Variants in HS3ST3A1 observed in about 807,000 individuals in gnomAD.
HS3ST3A1 encodes heparan sulfate glucosamine 3-O-sulfotransferase 3A1.
In HS3ST3A1, 19 loss-of-function variants were observed where a neutral mutation model predicts 25.7. The ratio of observed to expected loss-of-function variants is 0.74; its 90% confidence interval spans 0.52 to 1.08. The LOEUF (loss-of-function observed/expected upper bound fraction) is 1.08. Ranked by LOEUF, HS3ST3A1 falls within the 50% of genes least tolerant of loss-of-function variation. The pLI is 0.00. For missense variants in HS3ST3A1, 459 were observed against 594.3 expected (o/e 0.77, Z 2.37); for synonymous variants, 226 against 278.6 (o/e 0.81, Z 1.88).
chr17:13,551,845 C>A (rs1907255387), intron 1 of HS3ST3A1, among the ~76,000 whole-genome samples: 1 of 152,042 alleles, frequency 6.6e-6, no homozygotes, highest in Non-Finnish European at 1.5e-5. Context: ...TTTCCTCTTC[C>A]TCTTGTATGT....
intron 1 of HS3ST3A1, among the ~76,000 whole-genome samples, chr17:13,567,432 C>A (rs938359229): frequency 5.9e-5 from 9 of 152,192 alleles, no homozygotes; most frequent in Non-Finnish European, 1.0e-4. Flanking sequence ...GTAATTTTGA[C>A]TTTCAAGTCT....
intron 1 of HS3ST3A1, among the ~76,000 whole-genome samples, chr17:13,588,301 AG>A (rs957603260): frequency 1.3e-5 from 2 of 152,090 alleles, no homozygotes; most frequent in Non-Finnish European, 2.9e-5. Context: ...ACCTGGCCTA[AG>A]GGGTCATTAA....
At chr17:13,500,527 C>T (rs1191317303) in intron 1 of HS3ST3A1, among the ~76,000 whole-genome samples, 5 of 152,110 alleles carry the variant, frequency 3.3e-5, no homozygotes, top group Non-Finnish European at 7.3e-5. Flanking sequence ...CCTGAAGACA[C>T]AACAGGTGAA....
chr17:13,592,275 A>G (rs529718154), intron 1 of HS3ST3A1, among the ~76,000 whole-genome samples: 2 of 152,312 alleles, frequency 1.3e-5, no homozygotes, highest in Admixed American at 1.3e-4. Context: ...TAAAATGTAG[A>G]AAATGATAGG....
intron 1 of HS3ST3A1, among the ~76,000 whole-genome samples, chr17:13,580,795 G>A (rs1202604668): frequency 6.6e-6 from 1 of 152,146 alleles, no homozygotes; most frequent in East Asian, 1.9e-4. Flanking sequence ...GGAGGCTGAG[G>A]CAGTAGAATC....
chr17:13,573,573 G>T (rs1247233892), intron 1 of HS3ST3A1, among the ~76,000 whole-genome samples: 2 of 152,260 alleles, frequency 1.3e-5, no homozygotes, highest in Admixed American at 6.5e-5. Flanking sequence ...TCCTGGTCCA[G>T]GTCTTCATCG....
rs968425661 is a variant in HS3ST3A1, at chr17:13,601,587, G to C, written c.-458C>G. 4 of 157,922 alleles carry C rather than the reference G, an allele frequency of 2.5e-5. No homozygotes were observed. The highest frequency in any genetic ancestry group is 9.6e-5 in the African/African-American group (4 of 41,784). 9.8% of individuals were successfully genotyped at this position (157,922 alleles called of 1,614,324 possible). On this transcript the variant is annotated 5_prime_UTR_variant, in exon 1 of 2. Coordinates refer to ENST00000284110, the MANE Select transcript of HS3ST3A1 (RefSeq NM_006042.3). ...CCCCGTGAGGGCACGCGCGGCTGCC[G>C]GGCCTCTGCGCTCCGTGCGCTCCAG... is the stretch of plus-strand genomic sequence containing the variant.
chr17:13,512,774 G>A (rs760794402), intron 1 of HS3ST3A1, among the ~76,000 whole-genome samples: 1 of 152,092 alleles, frequency 6.6e-6, no homozygotes, highest in Non-Finnish European at 1.5e-5. Context: ...AAAATAAATT[G>A]TACTGCGTAA....
intron 1 of HS3ST3A1, among the ~76,000 whole-genome samples, chr17:13,509,585 C>A (rs747141516): frequency 6.6e-6 from 1 of 151,282 alleles, no homozygotes; most frequent in African/African-American, 2.4e-5. Flanking sequence ...TATTTGTGTG[C>A]GAGAGAGAGA....
chr17:13,514,805 G>A lies in HS3ST3A1; in HGVS notation c.600-17987C>T, dbSNP rs898671871. On this transcript the variant is annotated intron_variant, in intron 1 of 1. Transcript: ENST00000284110. The stretch of plus-strand genomic sequence containing the variant: ...ATATTCAGATGGTGGTGTTGGTTAT[G>A]CAAATCAGTACACATACTGGATTTC... Among the ~76,000 whole-genome samples the A allele has an allele frequency of 2.6e-5, 4 of 152,226 alleles. No homozygotes were observed. The East Asian group carries it at 7.7e-4, about 29-fold the overall frequency.
chr17:13,560,303 A>C (rs1175578392), intron 1 of HS3ST3A1, among the ~76,000 whole-genome samples: 2 of 140,908 alleles, frequency 1.4e-5, no homozygotes, highest in African/African-American at 5.3e-5. Context: ...AAAAAAAAAA[A>C]AAAAAAAAAA....
intron 1 of HS3ST3A1, among the ~76,000 whole-genome samples, chr17:13,579,892 G>A (rs1908062334): frequency 7.1e-6 from 1 of 139,996 alleles, no homozygotes; most frequent in South Asian, 2.4e-4. Context: ...AGGTTGCAGT[G>A]AGCTGAGATC....
Position 13,528,840 on chromosome 17 carries a change from C to T in HS3ST3A1, c.600-32022G>A, listed in dbSNP as rs77078430. ...AGAAGAAAATAGGCATTTCAAGCAG[C>T]GGGATGGACACATGCACAAAGGCAT... On this transcript the variant is annotated intron_variant, in intron 1 of 1. Transcript: ENST00000284110. 5.0e-3 allele frequency among the ~76,000 whole-genome samples: 752 copies of T among 149,072 alleles called. 7 individuals are homozygous for T. Among genetic ancestry groups the T allele is most frequent in the Middle Eastern group, 0.017 (5 of 288 alleles).
At chr17:13,511,979 T>C (rs959671797) in intron 1 of HS3ST3A1, among the ~76,000 whole-genome samples, 6 of 152,170 alleles carry the variant, frequency 3.9e-5, no homozygotes, top group African/African-American at 1.2e-4. Flanking sequence ...TCAAAATATA[T>C]TCAAATTTGT....
chr17:13,562,643 C>T (rs1055982924), intron 1 of HS3ST3A1, among the ~76,000 whole-genome samples: 2 of 151,864 alleles, frequency 1.3e-5, no homozygotes, highest in Non-Finnish European at 2.9e-5. Context: ...AACTCCCATC[C>T]CCAACCCTGG....
At chr17:13,539,260 A>G (rs1906857848) in intron 1 of HS3ST3A1, among the ~76,000 whole-genome samples, 2 of 152,120 alleles carry the variant, frequency 1.3e-5, no homozygotes, top group Admixed American at 1.3e-4. Flanking sequence ...GCTGATGCAA[A>G]TCCCAAGGCC....
intron 1 of HS3ST3A1, among the ~76,000 whole-genome samples, chr17:13,590,874 G>C (rs111920865): frequency 2.1e-4 from 32 of 151,828 alleles, no homozygotes; most frequent in African/African-American, 6.3e-4. Context: ...GACTGGCAGA[G>C]TGGCTCAGCA....
At chr17:13,596,384 T>C (rs990864107) in intron 1 of HS3ST3A1, among the ~76,000 whole-genome samples, 12 of 148,576 alleles carry the variant, frequency 8.1e-5, no homozygotes, top group Admixed American at 5.4e-4. Context: ...CTTCTCGGTG[T>C]CTGCTCCCGC....
At chr17:13,569,509 T>A (rs993203047) in intron 1 of HS3ST3A1, among the ~76,000 whole-genome samples, 4 of 152,136 alleles carry the variant, frequency 2.6e-5, no homozygotes, top group Non-Finnish European at 5.9e-5. Flanking sequence ...CACACACCAG[T>A]CCCAGCCCTC....
Sources: allele counts gnomAD v4.1 joint callset (sites outside exome capture counted in the v4.1 genomes callset), GRCh38; gene constraint gnomAD v4.1.1; transcripts MANE v1.5; gene names NCBI Gene and HGNC (gene_info 2026-07-23, HGNC 2026-07-21).